The following PRCD variants were observed in gnomAD, a reference collection of about 807,000 sequenced individuals.
PRCD encodes the protein photoreceptor disc component.
In PRCD, 12 loss-of-function variants were observed where a neutral mutation model predicts 10.1. The observed-to-expected ratio is 1.18, with a 90% confidence interval of 0.76 to 1.92. The LOEUF is 1.92. Ranked by LOEUF, PRCD falls within the 40% of genes most tolerant of loss-of-function variation. PRCD has a pLI of 0.00. For synonymous variants in PRCD, 31 were observed against 26.2 expected (o/e 1.18, Z -0.56); for missense variants, 61 against 72.2 (o/e 0.84, Z 0.56).
Position 76,530,953 on chromosome 17 carries a change from C to A in PRCD, n.45+3120C>A, listed in dbSNP as rs1027864794. On this transcript the variant is annotated intron_variant and non_coding_transcript_variant, in intron 1 of 4. Transcript: ENST00000397633. The surrounding 1 kb of genome is among the most constrained non-coding windows in gnomAD (Gnocchi z 6.1). ...CAGAGGACATGGCGGGGAGGCTGCC[C>A]AGCCCACCCTCGCCCGCCTCCTCAC... is the stretch of plus-strand genomic sequence containing the variant. 7.8e-6 allele frequency: 12 copies of A among 1,546,024 alleles called. No individual in the cohort carries two copies. Among genetic ancestry groups the A allele is most frequent in the Non-Finnish European group, 1.8e-6 (2 of 1,142,768 alleles).
At chr17:76,538,504 A>G (rs928378415), upstream of PRCD, 6 of 466,784 alleles carry the variant, frequency 1.3e-5, no homozygotes, top group African/African-American at 1.0e-4. Context: ...AATGACACGG[A>G]CAGGCAAGAA....
At chr17:76,543,169 C>CAGGCCCT (rs1448949810) in intron 4 of PRCD, 48 bp downstream of exon 4, 1 of 460,692 alleles carries the variant, frequency 2.2e-6, no homozygotes, top group South Asian at 1.6e-5. Flanking sequence ...CCCCTTCCCC[C>CAGGCCCT]AGGCCCTGGG....
At chr17:76,536,594 G>A (rs1252850849), upstream of PRCD, among the ~76,000 whole-genome samples, 1 of 152,156 alleles carries the variant, frequency 6.6e-6, no homozygotes, top group African/African-American at 2.4e-5. Context: ...TGGTGTGTGT[G>A]CTCTAAGCCT....
chr17:76,538,774 C>T (rs1479154304), upstream of PRCD, among the ~76,000 whole-genome samples: 1 of 152,238 alleles, frequency 6.6e-6, no homozygotes, highest in South Asian at 2.1e-4. Context: ...AGCGGCTGCT[C>T]AGTCCTGGGG....
intron 3 of PRCD, among the ~76,000 whole-genome samples, 174 bp from the exon 4 acceptor site, chr17:76,542,855 T>G (rs2075008034): frequency 6.6e-6 from 1 of 152,158 alleles, no homozygotes; most frequent in African/African-American, 2.4e-5. Context: ...GAACCAGGTG[T>G]AGTTTGACCA....
In PRCD at chr17:76,540,462, G is replaced by A. The variant is rs2074977603; in HGVS notation, c.75-43G>A. ...ACCTGTGGAGGGACAGTGAGGGGCT[G>A]GGCACAGCCATAGCTCTTCCTCCCT... On this transcript the variant is annotated intron_variant, in intron 1 of 4. Transcript: ENST00000592014. The surrounding 1 kb of genome is among the most constrained non-coding windows in gnomAD (Gnocchi z 5.0). 3 of 1,603,216 alleles carry A rather than the reference G, an allele frequency of 1.9e-6. No homozygotes were observed. The East Asian group carries it at 6.7e-5, about 36-fold the overall frequency.
upstream of PRCD, among the ~76,000 whole-genome samples, chr17:76,535,164 C>A: frequency 6.6e-6 from 1 of 152,210 alleles, no homozygotes; most frequent in South Asian, 2.1e-4. Context: ...CCTCCTCCAC[C>A]CCCACCAATG....
chr17:76,531,451 G>T lies in PRCD; in HGVS notation n.45+3618G>T, dbSNP rs1222318265. The T allele has an allele frequency of 6.2e-7, 1 of 1,600,488 alleles. No homozygotes were observed. Among genetic ancestry groups the T allele is most frequent in the East Asian group, 2.2e-5 (1 of 44,448 alleles). ...CGGTGGGGGCTCTGCAGCAGATGGG[G>T]GCGCATACCTTGAAGTACACCGGTT... On this transcript the variant is annotated intron_variant and non_coding_transcript_variant, in intron 1 of 4. Transcript: ENST00000397633. This position sits in a 1 kb window ranked among gnomAD's most constrained non-coding sequence, Gnocchi z 7.4.
Position 76,528,562 on chromosome 17 carries a change from G to A in PRCD, n.45+729G>A. ...TGCTCGAGGTGCTGCCAGGGAGGGG[G>A]GTGGAGTTAGGGGTCCTACGGCCCC... On this transcript the variant is annotated intron_variant and non_coding_transcript_variant, in intron 1 of 4. Transcript: ENST00000397633. The surrounding 1 kb of genome is among the most constrained non-coding windows in gnomAD (Gnocchi z 5.8). 1.5e-6 allele frequency: 2 copies of A among 1,290,776 alleles called. No homozygotes were observed. Among genetic ancestry groups the A allele is most frequent in the Non-Finnish European group, 9.9e-7 (1 of 1,011,514 alleles). The allele number at this position is 1,290,776 out of a possible 1,614,324, so 80.0% of individuals were successfully genotyped here. A position where few individuals can be genotyped will look rare whatever the true frequency, so the allele number is the denominator to read the frequency against.
upstream of PRCD, among the ~76,000 whole-genome samples, chr17:76,536,278 G>T (rs1028008044): frequency 6.6e-6 from 1 of 152,130 alleles, no homozygotes; most frequent in African/African-American, 2.4e-5. Context: ...GAGCTGGGTC[G>T]GTCCCAGGCT....
At chr17:76,532,832 C>A (rs571055016) in intron 1 of PRCD, among the ~76,000 whole-genome samples, 1 of 152,168 alleles carries the variant, frequency 6.6e-6, no homozygotes, top group Admixed American at 6.5e-5. Context: ...CCACCACGCC[C>A]GGCCGACAAT....
At chr17:76,549,914 G>C (rs2075090142), downstream of PRCD, 1 of 152,150 alleles carries the variant, frequency 6.6e-6, no homozygotes, top group African/African-American at 2.4e-5. Context: ...GATATTGTGG[G>C]GGTTGACTGC....
Position 76,540,292 on chromosome 17 carries a change from G to T in PRCD, c.74+77G>T. On this transcript the variant is annotated intron_variant, in intron 1 of 4. Coordinates refer to ENST00000592014, the MANE Select transcript of PRCD (RefSeq NM_001077620.3). The surrounding 1 kb of genome is among the most constrained non-coding windows in gnomAD (Gnocchi z 5.0). ...GGGGCTGGGCTGCCACCAAGCTGAA[G>T]GTGGGCAGGGGCTGCGTGAACCTTC... The T allele has an allele frequency of 6.8e-7, 1 of 1,461,486 alleles. No individual in the cohort carries two copies. Among genetic ancestry groups the T allele is most frequent in the South Asian group, 1.2e-5 (1 of 82,364 alleles). The allele number at this position is 1,461,486 out of a possible 1,614,324, so 90.5% of individuals were successfully genotyped here. A position where few individuals can be genotyped will look rare whatever the true frequency, so the allele number is the denominator to read the frequency against.
Position 76,528,345 on chromosome 17 carries a change from G to A in PRCD, n.45+512G>A. On this transcript the variant is annotated intron_variant and non_coding_transcript_variant, in intron 1 of 4. Coordinates refer to the PRCD transcript ENST00000397633. This position sits in a 1 kb window ranked among gnomAD's most constrained non-coding sequence, Gnocchi z 5.8. ...CTCTAACAGTGAGTAGAAAAGCTAA[G>A]AAGAGTGGGCCCCGCTCTGCCCGCC... The A allele has an allele frequency of 2.5e-6, 1 of 406,900 alleles. No homozygotes were observed. Among genetic ancestry groups the A allele is most frequent in the Non-Finnish European group, 4.3e-6 (1 of 231,782 alleles). 25.2% of individuals were successfully genotyped at this position (406,900 alleles called of 1,614,324 possible).
rs776290973 is a variant in PRCD, at chr17:76,531,673, G to A, written n.45+3840G>A. On this transcript the variant is annotated intron_variant and non_coding_transcript_variant, in intron 1 of 4. Transcript: ENST00000397633. This position sits in a 1 kb window ranked among gnomAD's most constrained non-coding sequence, Gnocchi z 7.4. ...ACTGGCTGAAGTACTGCTTGGCCGA[G>A]GGGAAGTTCACAAAGAACCTGGCAA... The A allele has an allele frequency of 1.3e-6, 2 of 1,596,442 alleles. No individual in the cohort carries two copies. Among genetic ancestry groups the A allele is most frequent in the Non-Finnish European group, 1.7e-6 (2 of 1,165,456 alleles).
rs1203079457 is a variant in PRCD at position 76,540,347 on chromosome 17, C to A, written c.74+132C>A. Reference sequence around the variant, plus strand: ...GGGCTGGGAGGGCATTTTGAGGAACCCTTGAGAGAGCACAGTCTCAGAGCA... The same window carrying A: ...GGGCTGGGAGGGCATTTTGAGGAACACTTGAGAGAGCACAGTCTCAGAGCA... On this transcript the variant is annotated intron_variant, in intron 1 of 4. Transcript: ENST00000592014. This position sits in a 1 kb window ranked among gnomAD's most constrained non-coding sequence, Gnocchi z 5.0. The A allele has an allele frequency of 7.7e-7, 1 of 1,291,786 alleles. No individual in the cohort carries two copies. Among genetic ancestry groups the A allele is most frequent in the Non-Finnish European group, 1.1e-6 (1 of 906,328 alleles). The allele number at this position is 1,291,786 out of a possible 1,614,324, so 80.0% of individuals were successfully genotyped here.
rs773379904 is a variant in PRCD at position 76,543,910 on chromosome 17, C to A, written c.*260C>A. 2.1e-6 allele frequency: 1 copy of A among 470,846 alleles called. No individual in the cohort carries two copies. The highest frequency in any genetic ancestry group is 1.5e-5 in the South Asian group (1 of 64,556). 29.2% of individuals were successfully genotyped at this position (470,846 alleles called of 1,614,324 possible). A position where few individuals can be genotyped will look rare whatever the true frequency, so the allele number is the denominator to read the frequency against. ...GCAGCTGGATGGGAGCAACGGACAG[C>A]TTGTCCTCCGAATGTGTTTTCTGTA... is the stretch of plus-strand genomic sequence containing the variant. On this transcript the variant is annotated 3_prime_UTR_variant, in exon 5 of 5. Coordinates refer to ENST00000592014, the MANE Select transcript of PRCD (RefSeq NM_001077620.3).
At chr17:76,546,158 A>C (rs4789310), downstream of PRCD, 147,420 of 152,438 alleles carry the variant, frequency 0.97, 71,487 homozygotes, top group Middle Eastern at 1. This position sits in a 1 kb window ranked among gnomAD's most constrained non-coding sequence, Gnocchi z 4.5. Context: ...GAATGCTAAT[A>C]TCTCTGCTGG....
chr17:76,541,516 C>T (rs1350377742), intron 2 of PRCD, among the ~76,000 whole-genome samples: 1 of 152,152 alleles, frequency 6.6e-6, no homozygotes. Context: ...GAGAGAACTT[C>T]CGTCTTTCTG....
Sources: allele counts gnomAD v4.1 joint callset (sites outside exome capture counted in the v4.1 genomes callset), GRCh38; gene constraint gnomAD v4.1.1; non-coding constraint Gnocchi (gnomAD v3.1); transcripts MANE v1.5; gene names NCBI Gene and HGNC (gene_info 2026-07-23, HGNC 2026-07-21).